The following FBXW10B variants were observed in gnomAD, a reference collection of about 807,000 sequenced individuals.
FBXW10B encodes the protein F-box and WD repeat domain containing 10B, also known as F-box and WD repeat domain containing protein 10B.
chr17:15,591,409 C>A, the FBXW10B span, among the ~76,000 whole-genome samples: 2 of 152,168 alleles, frequency 1.3e-5, no homozygotes, highest in Non-Finnish European at 2.9e-5. Context: ...CGTGCCTCAG[C>A]CTCCTGAGTA....
chr17:15,610,515 G>A, the FBXW10B span, among the ~76,000 whole-genome samples: 2 of 152,108 alleles, frequency 1.3e-5, no homozygotes, highest in Admixed American at 6.5e-5. Flanking sequence ...TGTTTTACTT[G>A]GGCCCACTGT....
the FBXW10B span, among the ~76,000 whole-genome samples, chr17:15,609,653 T>A: frequency 6.6e-6 from 1 of 151,908 alleles, no homozygotes; most frequent in Admixed American, 6.6e-5. Context: ...TATGGTGAAA[T>A]CAAGTAAATG....
the FBXW10B span, chr17:15,612,722 C>G: frequency 6.2e-7 from 1 of 1,613,998 alleles, no homozygotes; most frequent in East Asian, 2.2e-5. Flanking sequence ...ACTTCCACTT[C>G]GGATGTTTCA....
the FBXW10B span, among the ~76,000 whole-genome samples, chr17:15,615,435 C>A: frequency 6.1e-5 from 9 of 147,818 alleles, no homozygotes; most frequent in Admixed American, 2.1e-4. Context: ...CCTTCTGCTG[C>A]CTCAGTAGCT....
chr17:15,566,257 G>A, the FBXW10B span: 3 of 1,609,612 alleles, frequency 1.9e-6, no homozygotes, highest in Middle Eastern at 1.7e-4. Flanking sequence ...GAATTGGTCA[G>A]GTGACATAGG....
the FBXW10B span, among the ~76,000 whole-genome samples, chr17:15,596,163 G>C: frequency 6.6e-6 from 1 of 152,066 alleles, no homozygotes; most frequent in East Asian, 1.9e-4. Context: ...TGGGATTACA[G>C]GTGTGAGCCA....
chr17:15,591,062 G>A, the FBXW10B span, among the ~76,000 whole-genome samples: 7 of 151,470 alleles, frequency 4.6e-5, no homozygotes, highest in Non-Finnish European at 1.0e-4. Flanking sequence ...GTTGTGCAGT[G>A]TTGTCCTAGG....
At chr17:15,576,783 TA>T in the FBXW10B span, among the ~76,000 whole-genome samples, 2 of 150,776 alleles carry the variant, frequency 1.3e-5, no homozygotes, top group East Asian at 1.9e-4. Context: ...GAGGATAAAT[TA>T]AAACACTTGG....
chr17:15,604,452 A>G, the FBXW10B span, among the ~76,000 whole-genome samples: 3 of 152,186 alleles, frequency 2.0e-5, no homozygotes, highest in Non-Finnish European at 2.9e-5. Context: ...TGGGAGGGTT[A>G]GGGAATGGTG....
At chr17:15,616,987 T>C in the FBXW10B span, among the ~76,000 whole-genome samples, 1 of 152,066 alleles carries the variant, frequency 6.6e-6, no homozygotes, top group Non-Finnish European at 1.5e-5. Flanking sequence ...CAGCACTCAC[T>C]CCAGAGTGGA....
chr17:15,604,075 A>T, the FBXW10B span, among the ~76,000 whole-genome samples: 67 of 134,200 alleles, frequency 5.0e-4, no homozygotes, highest in Admixed American at 2.1e-3. Context: ...GTGAGACTCT[A>T]TCTCAAAAAA....
chr17:15,612,631 A>G, the FBXW10B span: 1 of 1,604,584 alleles, frequency 6.2e-7, no homozygotes, highest in Non-Finnish European at 8.5e-7. Context: ...CTGAGTCTGG[A>G]CCTCAGCCTT....
At chr17:15,610,674 C>T in the FBXW10B span, among the ~76,000 whole-genome samples, 1 of 152,108 alleles carries the variant, frequency 6.6e-6, no homozygotes, top group Non-Finnish European at 1.5e-5. Context: ...TAGAAAGGGA[C>T]CTGGAACTTA....
the FBXW10B span, among the ~76,000 whole-genome samples, chr17:15,606,832 C>A: frequency 6.6e-6 from 1 of 152,034 alleles, no homozygotes; most frequent in Middle Eastern, 3.2e-3. Flanking sequence ...CTGTCTTCCC[C>A]ATACTGACTG....
the FBXW10B span, chr17:15,615,516 T>C: frequency 1.4e-6 from 2 of 1,459,884 alleles, no homozygotes; most frequent in Non-Finnish European, 1.8e-6. Flanking sequence ...GGTTTCACCA[T>C]GTTAGCCAGG....
the FBXW10B span, among the ~76,000 whole-genome samples, chr17:15,584,671 G>T: frequency 2.0e-5 from 3 of 152,180 alleles, no homozygotes; most frequent in African/African-American, 7.2e-5. Context: ...CAGGTGCCTG[G>T]ATGCTGAGAG....
the FBXW10B span, among the ~76,000 whole-genome samples, chr17:15,571,133 C>A: frequency 6.6e-6 from 1 of 152,128 alleles, no homozygotes; most frequent in Non-Finnish European, 1.5e-5. Flanking sequence ...ACTGCTTGAG[C>A]CCAGGAGTTT....
the FBXW10B span, among the ~76,000 whole-genome samples, chr17:15,617,412 C>T: frequency 6.6e-6 from 1 of 152,180 alleles, no homozygotes; most frequent in Non-Finnish European, 1.5e-5. Context: ...TAAATCTGAG[C>T]TTCCCCATGT....
the FBXW10B span, among the ~76,000 whole-genome samples, chr17:15,582,854 A>G: frequency 0.09 from 13,407 of 149,714 alleles, 1,424 homozygotes; most frequent in African/African-American, 0.26. Flanking sequence ...TGCTCCACCA[A>G]TGCATTTTAG....
Sources: allele counts gnomAD v4.1 joint callset (sites outside exome capture counted in the v4.1 genomes callset), GRCh38; gene constraint gnomAD v4.1.1; transcripts MANE v1.5; gene names NCBI Gene and HGNC (gene_info 2026-07-23, HGNC 2026-07-21).